Variants in CBL observed in about 807,000 individuals in gnomAD.
CBL encodes the protein Cbl proto-oncogene.
In CBL, 45 loss-of-function variants were observed where a neutral mutation model predicts 96.9. The ratio of observed to expected loss-of-function variants is 0.46; its 90% CI spans 0.37 to 0.60. CBL has a LOEUF of 0.60. Among genes scored for constraint, CBL ranks in the 20% least tolerant of loss-of-function variants. The probability of loss-of-function intolerance (pLI) is 0.00; values close to 1 mark genes in which losing one functional copy is unlikely to be tolerated. For synonymous variants in CBL, 420 were observed against 426.8 expected (o/e 0.98, Z 0.20); for missense variants, 1,024 against 1,143.5 (o/e 0.90, Z 1.51).
At chr11:119,259,560 G>A (rs549199805) in intron 2 of CBL, among the ~76,000 whole-genome samples, 3 of 152,194 alleles carry the variant, frequency 2.0e-5, no homozygotes, top group Non-Finnish European at 2.9e-5. Flanking sequence ...GGGCTCTAAT[G>A]TTCAAGTTCC....
At chr11:119,271,625 T>C (rs1949849392) in intron 2 of CBL, 110 bp from the exon 3 acceptor site, 1 of 938,536 alleles carries the variant, frequency 1.1e-6, no homozygotes, top group Admixed American at 2.1e-5. Flanking sequence ...AGGTTCTTTC[T>C]AAATGTATTT....
rs1950099429 is a variant in CBL, at chr11:119,301,216, T to C, written c.*1435T>C. 4.3e-6 allele frequency: 1 copy of C among 233,132 alleles called. No homozygotes were observed. The highest frequency in any genetic ancestry group is 8.5e-6 in the Non-Finnish European group (1 of 118,024). The allele number at this position is 233,132 out of a possible 1,614,324, so 14.4% of individuals were successfully genotyped here. A position where few individuals can be genotyped will look rare whatever the true frequency, so the allele number is the denominator to read the frequency against. On this transcript the variant is annotated 3_prime_UTR_variant, in exon 16 of 16. Coordinates refer to ENST00000264033, the MANE Select transcript of CBL (RefSeq NM_005188.4). ...TAATTACTGTGTTCTTCACGGTAAT[T>C]AGACATCATTCAGTGAATAAATTAC... is the stretch of plus-strand genomic sequence containing the variant.
At position 119,230,792 on chromosome 11, in the gene CBL, A is replaced by G. The variant is rs183782156; in HGVS notation, c.196-1656A>G. On this transcript the variant is annotated intron_variant, in intron 1 of 15. Coordinates refer to ENST00000264033, the MANE Select transcript of CBL (RefSeq NM_005188.4). ...CTGTTTCTGGACTTTCTGTTCCACT[A>G]GTTTGTCCACAGAAAAGTCCATGTA... Among the ~76,000 whole-genome samples the G allele has an allele frequency of 2.3e-4, 35 of 152,326 alleles. No individual in the cohort carries two copies. In the East Asian group the frequency reaches 6.7e-3, roughly 29 times the overall value.
chr11:119,230,195 A>G (rs1207246639), intron 1 of CBL, among the ~76,000 whole-genome samples: 2 of 151,176 alleles, frequency 1.3e-5, no homozygotes, highest in Non-Finnish European at 2.9e-5. Context: ...TCTGTCACCC[A>G]GGCTGGAGTG....
chr11:119,286,765 G>A (rs547630995), intron 11 of CBL, among the ~76,000 whole-genome samples: 3 of 152,296 alleles, frequency 2.0e-5, no homozygotes, highest in Admixed American at 6.5e-5. Flanking sequence ...AGAACTGAGA[G>A]GTGGGAGAGG....
intron 1 of CBL, among the ~76,000 whole-genome samples, chr11:119,219,376 C>CAAA (rs112712991): frequency 8.0e-6 from 1 of 124,302 alleles, no homozygotes; most frequent in Middle Eastern, 4.4e-3. Context: ...GACTCTGTCT[C>CAAA]AAAAAAAAAA....
At chr11:119,248,648 A>G (rs1949649050) in intron 2 of CBL, among the ~76,000 whole-genome samples, 1 of 152,230 alleles carries the variant, frequency 6.6e-6, no homozygotes, top group African/African-American at 2.4e-5. Flanking sequence ...ATCAGACTTC[A>G]TGAAAATTAA....
At chr11:119,292,682 A>G (rs1461127114) in intron 12 of CBL, among the ~76,000 whole-genome samples, 2 of 152,148 alleles carry the variant, frequency 1.3e-5, no homozygotes, top group African/African-American at 4.8e-5. Context: ...GGCCTCCCAA[A>G]GTGCTGGGAT....
chr11:119,218,531 AT>A (rs960692709), intron 1 of CBL, among the ~76,000 whole-genome samples: 1 of 152,200 alleles, frequency 6.6e-6, no homozygotes, highest in African/African-American at 2.4e-5. Context: ...TAAGTTTTAA[AT>A]TGTATGCTGT....
intron 1 of CBL, among the ~76,000 whole-genome samples, chr11:119,231,895 G>A (rs1949504357): frequency 1.3e-5 from 2 of 151,102 alleles, no homozygotes; most frequent in African/African-American, 4.9e-5. Flanking sequence ...CATCGTTTGA[G>A]CTCAGGAGTT....
chr11:119,287,214 T>G (rs1463396248), intron 11 of CBL, among the ~76,000 whole-genome samples: 1 of 152,230 alleles, frequency 6.6e-6, no homozygotes, highest in Admixed American at 6.5e-5. Flanking sequence ...TAAAGACTTG[T>G]TAAGGCTTGA....
intron 2 of CBL, among the ~76,000 whole-genome samples, chr11:119,256,726 C>A (rs1420464962): frequency 6.6e-6 from 1 of 151,538 alleles, no homozygotes; most frequent in East Asian, 1.9e-4. Flanking sequence ...CTCCCACCTC[C>A]CCGCTTCTGA....
Position 119,307,747 on chromosome 11 carries a change from G to A in CBL, c.*7966G>A, listed in dbSNP as rs1357917753. Reference sequence around the variant, plus strand: ...TTGAAATTCTTAGCCTGGGAGTGCTGGAGAGAACCTGATGCTTTCTCCAGA... The same window carrying A: ...TTGAAATTCTTAGCCTGGGAGTGCTAGAGAGAACCTGATGCTTTCTCCAGA... On this transcript the variant is annotated 3_prime_UTR_variant, in exon 16 of 16. Transcript: ENST00000264033. 4.5e-6 allele frequency: 1 copy of A among 220,744 alleles called. No homozygotes were observed. The highest frequency in any genetic ancestry group is 9.1e-6 in the Non-Finnish European group (1 of 110,188). The allele number at this position is 220,744 out of a possible 1,614,324, so 13.7% of individuals were successfully genotyped here. A position where few individuals can be genotyped will look rare whatever the true frequency, so the allele number is the denominator to read the frequency against.
intron 2 of CBL, among the ~76,000 whole-genome samples, chr11:119,270,705 C>T (rs1225849100): frequency 6.6e-6 from 1 of 151,760 alleles, no homozygotes; most frequent in Non-Finnish European, 1.5e-5. Context: ...CTCGGCCTCC[C>T]AAAGTGCTGG....
In CBL at chr11:119,277,612, A is replaced by T. The variant is rs78712326; in HGVS notation, c.1008-145A>T. ...TTTTGAAGTATTATTTTTTGGAAGTATTTTTTTTTTGAAGTAAGATTGATC... is the reference window on the plus strand; with the variant it reads ...TTTTGAAGTATTATTTTTTGGAAGTTTTTTTTTTTTGAAGTAAGATTGATC... On this transcript the variant is annotated intron_variant, in intron 6 of 15. Transcript: ENST00000264033. 1.7e-4 allele frequency: 96 copies of T among 574,376 alleles called. 1 individual carries two copies. In the East Asian group the frequency reaches 3.0e-3, roughly 18 times the overall value. 35.6% of individuals were successfully genotyped at this position (574,376 alleles called of 1,614,324 possible). A position where few individuals can be genotyped will look rare whatever the true frequency, so the allele number is the denominator to read the frequency against.
intron 1 of CBL, among the ~76,000 whole-genome samples, chr11:119,223,116 G>A (rs1033417048): frequency 2.7e-5 from 4 of 148,460 alleles, no homozygotes; most frequent in African/African-American, 7.4e-5. Flanking sequence ...GGAGTTCAAA[G>A]CATTTGAGGT....
At chr11:119,270,436 A>ATATTTTTTTT (rs1565870008) in intron 2 of CBL, among the ~76,000 whole-genome samples, 3 of 38,656 alleles carry the variant, frequency 7.8e-5, no homozygotes, top group Non-Finnish European at 1.3e-4. Flanking sequence ...ATATATATAT[A>ATATTTTTTTT]TTTTTTTTTT....
At chr11:119,223,454 G>C (rs2135259033) in intron 1 of CBL, among the ~76,000 whole-genome samples, 1 of 151,026 alleles carries the variant, frequency 6.6e-6, no homozygotes, top group East Asian at 1.9e-4. Flanking sequence ...TTTTAAGACA[G>C]AGTCTCGCTC....
chr11:119,230,769 G>A (rs1458054798), intron 1 of CBL, among the ~76,000 whole-genome samples: 1 of 152,194 alleles, frequency 6.6e-6, no homozygotes, highest in Non-Finnish European at 1.5e-5. Context: ...GTGTGAGTCT[G>A]TTTCTGGACT....
Sources: allele counts gnomAD v4.1 joint callset (sites outside exome capture counted in the v4.1 genomes callset), GRCh38; gene constraint gnomAD v4.1.1; transcripts MANE v1.5; gene names NCBI Gene and HGNC (gene_info 2026-07-23, HGNC 2026-07-21).